The following DNAH2 variants were observed in gnomAD, a reference collection of about 807,000 sequenced individuals.
DNAH2 encodes the protein dynein axonemal heavy chain 2.
A neutral mutation model predicts 523.5 loss-of-function variants in DNAH2; 323 were observed. That is an observed-to-expected ratio of 0.62 (90% CI 0.56 to 0.68). DNAH2 has a LOEUF of 0.68. DNAH2 is among the 30% of genes least tolerant of loss of function. The pLI, the probability that DNAH2 is intolerant of heterozygous loss-of-function variation, is 0.00. For missense variants in DNAH2, 4,907 were observed against 5,701.5 expected (o/e 0.86, Z 4.49); for synonymous variants, 2,093 against 2,177.4 (o/e 0.96, Z 1.08).
At chr17:7,781,233 G>A in intron 39 of DNAH2, 66 bp downstream of exon 39, 2 of 1,586,582 alleles carry the variant, frequency 1.3e-6, no homozygotes, top group Non-Finnish European at 1.7e-6. Context: ...CCAGCACTTT[G>A]GGAGGCCGAG....
Position 7,798,565 on chromosome 17 carries a change from G to A in DNAH2, c.8406G>A (p.Lys2802=). ...YRKQEFRDDI[K]RLYRQAGVEL... ...CTTCCCTCCCCCGGCCAGATATCAA[G>A]CGTCTGTATCGCCAGGCTGGGGTGG... The change falls in exon 55 of 86, where the codon AAG becomes AAA. Residue 2802 remains lysine (K), a synonymous_variant. Coordinates refer to ENST00000572933, the MANE Select transcript of DNAH2 (RefSeq NM_020877.5). This position sits in a 1 kb window ranked among gnomAD's most constrained non-coding sequence, Gnocchi z 5.5. The A allele has an allele frequency of 6.2e-7, 1 of 1,614,050 alleles. No homozygotes were observed. The highest frequency in any genetic ancestry group is 8.5e-7 in the Non-Finnish European group (1 of 1,180,020).
chr17:7,799,040 G>T (rs1003979258), intron 55 of DNAH2, 63 bp from the exon 56 acceptor site: 2 of 1,588,932 alleles, frequency 1.3e-6, no homozygotes, highest in African/African-American at 2.7e-5. Flanking sequence ...CACCTGACCC[G>T]CTGCCCCCGC....
chr17:7,826,850 T>C (rs2151342817), intron 77 of DNAH2, among the ~76,000 whole-genome samples: 1 of 152,160 alleles, frequency 6.6e-6, no homozygotes. Context: ...CATCATCCTT[T>C]TAAGAAAGAA....
intron 7 of DNAH2, among the ~76,000 whole-genome samples, chr17:7,736,559 A>T (rs538302530): frequency 6.6e-6 from 1 of 152,336 alleles, no homozygotes; most frequent in East Asian, 1.9e-4. Context: ...CACACATGAG[A>T]AAAGAAAAGT....
intron 5 of DNAH2, 74 bp downstream of exon 5, chr17:7,733,389 C>A (rs1259438279): frequency 1.4e-6 from 2 of 1,460,728 alleles, no homozygotes; most frequent in African/African-American, 1.4e-5. Flanking sequence ...GTGGTGGGTC[C>A]TTCGTCTGAG....
intron 63 of DNAH2, among the ~76,000 whole-genome samples, chr17:7,815,000 A>AAAAAAG (rs1366197686): frequency 6.6e-6 from 1 of 152,200 alleles, no homozygotes; most frequent in African/African-American, 2.4e-5. Context: ...TTGAGACAAA[A>AAAAAAG]AAAAAGAAAA....
At chr17:7,724,240 C>A (rs1182888130) in intron 3 of DNAH2, among the ~76,000 whole-genome samples, 1 of 151,664 alleles carries the variant, frequency 6.6e-6, no homozygotes, top group East Asian at 1.9e-4. Context: ...TAATAACTAT[C>A]GAAGAAAAAA....
In DNAH2 at chr17:7,740,708, A is replaced by G. The variant is rs189839663; in HGVS notation, c.1507-102A>G. On this transcript the variant is annotated intron_variant, in intron 10 of 85. Coordinates refer to ENST00000572933, the MANE Select transcript of DNAH2 (RefSeq NM_020877.5). ...GTTCCCTGGCTTCGGCGTCCCCGGG[A>G]GTGTGACTCCCGCAGCGGGGTGCAG... 168 of 1,534,906 alleles carry G rather than the reference A, an allele frequency of 1.1e-4. 2 individuals are homozygous for G. In the African/African-American group the frequency reaches 2.2e-3, roughly 20 times the overall value.
At chr17:7,768,296 C>A (rs371885554) in intron 24 of DNAH2, 29 bp downstream of exon 24, 2 of 1,611,532 alleles carry the variant, frequency 1.2e-6, no homozygotes, top group African/African-American at 2.7e-5. Context: ...TCCGGGGTGT[C>A]CACTCTGCCC....
chr17:7,722,638 G>A (rs901151980), intron 2 of DNAH2, among the ~76,000 whole-genome samples: 1 of 148,750 alleles, frequency 6.7e-6, no homozygotes, highest in Non-Finnish European at 1.5e-5. Context: ...ATTTCATCGA[G>A]TGGTCTCTCA....
chr17:7,725,905 G>C (rs1182409489), intron 3 of DNAH2, among the ~76,000 whole-genome samples: 1 of 138,574 alleles, frequency 7.2e-6, no homozygotes, highest in Non-Finnish European at 1.7e-5. Flanking sequence ...TCTTGACCTG[G>C]AAACTTTAAG....
At chr17:7,766,289 AG>A in intron 21 of DNAH2, 28 bp from the exon 22 acceptor site, 2 of 1,602,796 alleles carry the variant, frequency 1.2e-6, no homozygotes, top group Non-Finnish European at 1.7e-6. Context: ...GTGAGCGGGA[AG>A]CTGAGCTTCA....
At chr17:7,788,893 G>A (rs919045789) in intron 44 of DNAH2, among the ~76,000 whole-genome samples, 5 of 152,170 alleles carry the variant, frequency 3.3e-5, no homozygotes, top group Admixed American at 6.5e-5. Context: ...GGCTGGGCAC[G>A]GTGGCTCACG....
intron 12 of DNAH2, among the ~76,000 whole-genome samples, chr17:7,745,968 G>A (rs2075507536): frequency 6.6e-6 from 1 of 152,028 alleles, no homozygotes; most frequent in South Asian, 2.1e-4. Context: ...CCTCAGGCGG[G>A]CCATTGAATT....
intron 4 of DNAH2, among the ~76,000 whole-genome samples, chr17:7,731,661 T>C (rs949479224): frequency 1.3e-5 from 2 of 152,134 alleles, no homozygotes; most frequent in Non-Finnish European, 2.9e-5. Context: ...ATCTTTGTAG[T>C]TTTCTGCATT....
At position 7,817,406 on chromosome 17, in the gene DNAH2, G is replaced by A. The variant is rs766737803; in HGVS notation, c.10011G>A (p.Trp3337Ter). 3.3e-5 allele frequency: 53 copies of A among 1,613,936 alleles called. No individual in the cohort carries two copies. The highest frequency in any genetic ancestry group is 4.2e-5 in the Non-Finnish European group (50 of 1,180,026). Reference protein sequence around the residue: ...NYRDEIVNQIWIGKIWELQVP... With the variant: ...NYRDEIVNQI The stretch of plus-strand genomic sequence containing the variant: ...GGGATGAGATTGTCAACCAAATCTG[G>A]ATCGGGAAGGTGAGATGGGACTCAG... Residue 3337 changes from tryptophan (W) to a stop codon, truncating the protein, a stop_gained, in exon 65 of 86, where the codon TGG (tryptophan) becomes TGA (stop). Transcript: ENST00000572933. LOFTEE classifies it high-confidence loss of function.
chr17:7,818,331 CATT>C lies in DNAH2; in HGVS notation c.10408_10410del (p.Ile3470del), dbSNP rs770500468. 2 of 1,614,162 alleles carry C rather than the reference CATT, an allele frequency of 1.2e-6. No homozygotes were observed. Among genetic ancestry groups the C allele is most frequent in the South Asian group, 2.2e-5 (2 of 91,078 alleles). ...ATGCAGGTGGTCGGCTGTTGATGCG[CATT>C]GGCGATAAGGAGGTGGAATATAATA... On this transcript the variant is annotated inframe_deletion, in exon 69 of 86. Transcript: ENST00000572933.
chr17:7,749,332 A>ATC lies in DNAH2; in HGVS notation c.1904+6190_1904+6191insTC, dbSNP rs1567636955. On this transcript the variant is annotated intron_variant, in intron 12 of 85. Transcript: ENST00000572933. ...CCAAAAAAAAAAAAAAAAAAAAAAA[A>ATC]AAAAAAAAAAAAAAAAGAAAGAAAA... Among the ~76,000 whole-genome samples the ATC allele has an allele frequency of 2.1e-4, 31 of 144,974 alleles. No homozygotes were observed. The South Asian group carries it at 5.7e-3, about 27-fold the overall frequency.
At position 7,743,074 on chromosome 17, in the gene DNAH2, G is replaced by A. The variant is rs2075400875; in HGVS notation, c.1836G>A (p.Arg612=). 2 of 1,540,660 alleles carry A rather than the reference G, an allele frequency of 1.3e-6. No individual in the cohort carries two copies. The highest frequency in any genetic ancestry group is 1.8e-4 in the Middle Eastern group (1 of 5,708). ...WTSSLDKDCI[R]RLDTPLLRIS... ...CAAGTCTGGACAAGGATTGCATTCG[G>A]CGGTTGGATACCCCATTGCTGCGAA... is the stretch of plus-strand genomic sequence containing the variant. The change falls in exon 12 of 86, where the codon CGG becomes CGA. Residue 612 remains arginine, a synonymous_variant. Coordinates refer to ENST00000572933, the MANE Select transcript of DNAH2 (RefSeq NM_020877.5).
Sources: gnomAD v4.1 joint callset for allele counts (sites outside exome capture counted in the v4.1 genomes callset) on GRCh38, gnomAD v4.1.1 for gene constraint, Gnocchi (gnomAD v3.1) non-coding constraint, MANE v1.5 for transcripts, NCBI Gene and HGNC (gene_info 2026-07-23, HGNC 2026-07-21) for gene names.